ANKRD36: variants seen among roughly 807,000 people sequenced by gnomAD.
ANKRD36 encodes ankyrin repeat domain 36.
ANKRD36 carries 179 observed loss-of-function variants against 278.1 expected under a neutral mutation model. That is an observed-to-expected ratio of 0.64 (90% CI 0.57 to 0.73). ANKRD36 has a LOEUF of 0.73. Ranked by LOEUF, ANKRD36 falls within the 30% of genes least tolerant of loss-of-function variation. The pLI, the probability that ANKRD36 is intolerant of heterozygous loss-of-function variation, is 0.00. For missense variants in ANKRD36, 1,159 were observed against 1,956.7 expected (o/e 0.59, Z 7.69); for synonymous variants, 320 against 641.1 (o/e 0.50, Z 7.57).
chr2:97,185,162 G>A (rs1039091612), intron 28 of ANKRD36, among the ~76,000 whole-genome samples, 154 bp from the exon 29 acceptor site: 1 of 151,396 alleles, frequency 6.6e-6, no homozygotes, highest in Non-Finnish European at 1.5e-5. Context: ...TTTTTTCAGT[G>A]TATTTCTGGT....
At chr2:97,181,013 A>G (rs2056049744) in intron 24 of ANKRD36, among the ~76,000 whole-genome samples, 2 of 151,744 alleles carry the variant, frequency 1.3e-5, no homozygotes, top group Non-Finnish European at 2.9e-5. Flanking sequence ...TCTTAGGCAA[A>G]TTATTACACC....
chr2:97,127,002 G>A (rs558569295), intron 5 of ANKRD36, 65 bp from the exon 6 acceptor site: 23 of 559,604 alleles, frequency 4.1e-5, no homozygotes, highest in Non-Finnish European at 6.8e-5. Flanking sequence ...TAATAATTTA[G>A]TATATTTGGT....
intron 67 of ANKRD36, among the ~76,000 whole-genome samples, chr2:97,231,439 AG>A (rs2072047215): frequency 6.6e-6 from 1 of 152,160 alleles, no homozygotes; most frequent in Non-Finnish European, 1.5e-5. Context: ...CCTCTGAGCC[AG>A]GTGCAGGATA....
chr2:97,211,944 T>A (rs1434856933), intron 58 of ANKRD36, among the ~76,000 whole-genome samples: 24 of 151,878 alleles, frequency 1.6e-4, no homozygotes, highest in Non-Finnish European at 2.9e-4. Flanking sequence ...TAGATGTCTG[T>A]ACTTTGAAAT....
chr2:97,191,551 C>G (rs951665839), intron 36 of ANKRD36, among the ~76,000 whole-genome samples: 1 of 151,718 alleles, frequency 6.6e-6, no homozygotes, highest in Middle Eastern at 3.4e-3. Context: ...TAAAAACAGA[C>G]AGAAAACTGA....
At chr2:97,197,504 C>G (rs1296219669) in intron 42 of ANKRD36, among the ~76,000 whole-genome samples, 13 of 151,878 alleles carry the variant, frequency 8.6e-5, no homozygotes, top group African/African-American at 3.1e-4. Flanking sequence ...AGAAATGAGA[C>G]AAGCTTAAAT....
chr2:97,184,683 AT>A (rs1185592352), intron 28 of ANKRD36, among the ~76,000 whole-genome samples: 8 of 151,664 alleles, frequency 5.3e-5, no homozygotes, highest in Admixed American at 3.3e-4. Context: ...GATGAAGAAA[AT>A]TACTGAAGGC....
Position 97,113,546 on chromosome 2 carries a change from A to T in ANKRD36, c.-194A>T, listed in dbSNP as rs1346648798. 9 of 628,390 alleles carry T rather than the reference A, an allele frequency of 1.4e-5. 1 individual carries two copies. The highest frequency in any genetic ancestry group is 4.0e-5 in the South Asian group (2 of 49,484). 38.9% of individuals were successfully genotyped at this position (628,390 alleles called of 1,614,324 possible). A position where few individuals can be genotyped will look rare whatever the true frequency, so the allele number is the denominator to read the frequency against. On this transcript the variant is annotated 5_prime_UTR_variant, in exon 1 of 76. Coordinates refer to ENST00000420699, the MANE Select transcript of ANKRD36 (RefSeq NM_001354587.1). ...TTTCTCTGCCTCGGGCCTGTTGGGCAGGGCCGGCTAAGGTGCGCGTGCTCG... is the reference window on the plus strand; with the variant it reads ...TTTCTCTGCCTCGGGCCTGTTGGGCTGGGCCGGCTAAGGTGCGCGTGCTCG...
rs751181468 is a variant in ANKRD36, at chr2:97,187,204, C to T, written c.2048C>T (p.Ser683Phe). ...KDGLQCGTVS[S>F]QKQPALKATT... ...TATCCCTTTTGCTTTTCAGTGTCTT[C>T]TCAGAAACAACCAGCCTTGAAGGTA... Residue 683 changes from serine (S) to phenylalanine (F), a missense_variant, in exon 31 of 76, where the codon TCT becomes TTT. Physicochemically the swap from Ser to Phe is radical, Grantham distance 155. Coordinates refer to ENST00000420699, the MANE Select transcript of ANKRD36 (RefSeq NM_001354587.1). The T allele has an allele frequency of 3.1e-6, 5 of 1,609,680 alleles. No homozygotes were observed. The Admixed American group carries it at 5.0e-5, about 16-fold the overall frequency.
intron 48 of ANKRD36, 38 bp downstream of exon 48, chr2:97,202,431 A>C (rs968368416): frequency 1.4e-5 from 22 of 1,541,820 alleles, no homozygotes; most frequent in Non-Finnish European, 1.7e-5. Flanking sequence ...TGTTCAGTCC[A>C]GGTAGATAAG....
chr2:97,215,655 G>A, intron 62 of ANKRD36, 158 bp downstream of exon 62: 2 of 1,539,994 alleles, frequency 1.3e-6, no homozygotes, highest in Non-Finnish European at 1.8e-6. Context: ...CCCTGATGGT[G>A]CTGGTCCTTG....
chr2:97,196,121 C>T (rs2059687510), intron 40 of ANKRD36, among the ~76,000 whole-genome samples: 2 of 151,952 alleles, frequency 1.3e-5, no homozygotes, highest in Admixed American at 6.6e-5. Context: ...TCAACTGAAG[C>T]ATCATCGCAA....
intron 6 of ANKRD36, among the ~76,000 whole-genome samples, chr2:97,139,914 TTGTTGATCCCTA>T (rs2153446413): frequency 6.6e-6 from 1 of 152,020 alleles, no homozygotes; most frequent in South Asian, 2.1e-4. Context: ...TAGAACCCCT[TTGTTGATCCCTA>T]TAGAGTGTTC....
At chr2:97,231,009 C>T (rs1205765779) in intron 67 of ANKRD36, among the ~76,000 whole-genome samples, 1 of 152,068 alleles carries the variant, frequency 6.6e-6, no homozygotes, top group African/African-American at 2.4e-5. Flanking sequence ...AGTTTTGTCT[C>T]AGAGGAGTAC....
chr2:97,189,105 C>G lies in ANKRD36; in HGVS notation c.2162C>G (p.Pro721Arg), dbSNP rs1455111845. 1.3e-6 allele frequency: 1 copy of G among 759,028 alleles called. No homozygotes were observed. Among genetic ancestry groups the G allele is most frequent in the East Asian group, 2.4e-5 (1 of 41,090 alleles). The allele number at this position is 759,028 out of a possible 1,614,324, so 47.0% of individuals were successfully genotyped here. The change falls in exon 33 of 76, where the codon CCA (proline) becomes CGA (arginine). Residue 721 changes from proline to arginine, a missense_variant. By Grantham distance (103) the Pro-to-Arg change is moderately radical. Transcript: ENST00000420699. ...KSGTVSSQKQ[P>R]ALKATTDEED... ...TTTTCAGTGTCTTCTCAGAAGCAAC[C>G]AGCCTTGAAGGTAATTAAACTCTCG...
At chr2:97,220,875 C>T (rs1390219267) in intron 66 of ANKRD36, among the ~76,000 whole-genome samples, 14 of 147,126 alleles carry the variant, frequency 9.5e-5, no homozygotes, top group Admixed American at 8.8e-4. Flanking sequence ...GCGCTGCACC[C>T]ACTAACGTGT....
At chr2:97,256,348 A>C (rs2076212562) in intron 75 of ANKRD36, among the ~76,000 whole-genome samples, 2 of 152,018 alleles carry the variant, frequency 1.3e-5, no homozygotes, top group African/African-American at 4.8e-5. Context: ...CAAAAGCAAA[A>C]CTCCGCTTCA....
intron 5 of ANKRD36, among the ~76,000 whole-genome samples, chr2:97,124,962 G>T (rs1399234548): frequency 6.6e-6 from 1 of 151,766 alleles, no homozygotes. Context: ...GTCTCAAAAT[G>T]TCCAGTTTAT....
intron 66 of ANKRD36, among the ~76,000 whole-genome samples, chr2:97,220,403 G>C (rs2153648342): frequency 6.6e-6 from 1 of 150,712 alleles, no homozygotes; most frequent in Non-Finnish European, 1.5e-5. Context: ...ACCCTTCCTA[G>C]ACTGTGGTAA....
Sources: gnomAD v4.1 joint callset for allele counts (sites outside exome capture counted in the v4.1 genomes callset) on GRCh38, gnomAD v4.1.1 for gene constraint, MANE v1.5 for transcripts, NCBI Gene and HGNC (gene_info 2026-07-23, HGNC 2026-07-21) for gene names.